INVS: variants seen among roughly 807,000 people sequenced by gnomAD.
The protein encoded by INVS is inversin, also known as inversion of embryo turning homolog.
INVS carries 86 observed loss-of-function variants against 108.8 expected under a neutral mutation model. That is an observed-to-expected ratio of 0.79 (90% CI 0.66 to 0.95). INVS has a LOEUF of 0.95. Ranked by LOEUF, INVS falls within the 40% of genes least tolerant of loss-of-function variation. The pLI is 0.00. For missense variants in INVS, 1,169 were observed against 1,297.4 expected, an observed-to-expected ratio of 0.90 and a Z score of 1.52; for synonymous variants, 455 against 473.5, an observed-to-expected ratio of 0.96 and a Z score of 0.51.
At position 100,301,824 on chromosome 9, in the gene INVS, C is replaced by T. The variant is rs771048563; in HGVS notation, c.*1150C>T. ...TTAGTTTACTAATTATTACATTCATCGTTTTTGTGATCACAAAAACACAAA... is the reference window on the plus strand; with the variant it reads ...TTAGTTTACTAATTATTACATTCATTGTTTTTGTGATCACAAAAACACAAA... On this transcript the variant is annotated 3_prime_UTR_variant, in exon 17 of 17. Coordinates refer to ENST00000262457, the MANE Select transcript of INVS (RefSeq NM_014425.5). Among the ~76,000 whole-genome samples the T allele has an allele frequency of 6.6e-6, 1 of 152,112 alleles. No homozygotes were observed. The highest frequency in any genetic ancestry group is 1.5e-5 in the Non-Finnish European group (1 of 68,036).
chr9:100,240,000 C>G (rs1831814494), intron 5 of INVS, 60 bp from the exon 6 acceptor site: 1 of 1,447,472 alleles, frequency 6.9e-7, no homozygotes, highest in African/African-American at 1.4e-5. Flanking sequence ...AATACTTACA[C>G]CAAATGTAAT....
Position 100,242,571 on chromosome 9 carries a change from C to G in INVS, c.798C>G (p.Gly266=). Residue 266 remains glycine (G), a splice_region_variant and synonymous_variant, in exon 7 of 17, where the codon GGC becomes GGG. Coordinates refer to ENST00000262457, the MANE Select transcript of INVS (RefSeq NM_014425.5). ...TTACCTTTTTGTGTCTTTTCTCAGG[C>G]CATGCACAGATTGTCCATCTCCTTT... ...RTPLHWAALL[G]HAQIVHLLLE... is the part of the protein sequence containing the mutation. 6.5e-7 allele frequency: 1 copy of G among 1,538,860 alleles called. No individual in the cohort carries two copies. The highest frequency in any genetic ancestry group is 9.0e-7 in the Non-Finnish European group (1 of 1,111,824).
chr9:100,298,162 T>A (rs1833846756), intron 16 of INVS, 152 bp downstream of exon 16: 2 of 1,538,874 alleles, frequency 1.3e-6, no homozygotes, highest in African/African-American at 2.7e-5. Flanking sequence ...GTAGCCAACA[T>A]CTGTCTCCCT....
chr9:100,213,205 G>GC (rs1470104538), intron 3 of INVS, among the ~76,000 whole-genome samples: 5 of 142,174 alleles, frequency 3.5e-5, no homozygotes, highest in African/African-American at 5.2e-5. Flanking sequence ...TGAATTGGGG[G>GC]GGTTTGGGGG....
intron 3 of INVS, among the ~76,000 whole-genome samples, chr9:100,213,498 C>T (rs1166170219): frequency 3.9e-5 from 6 of 151,986 alleles, no homozygotes; most frequent in African/African-American, 1.5e-4. Flanking sequence ...AGCCACCATT[C>T]CTGGCCCTTA....
chr9:100,256,754 A>G (rs1832434167), intron 10 of INVS, among the ~76,000 whole-genome samples: 1 of 152,102 alleles, frequency 6.6e-6, no homozygotes, highest in Non-Finnish European at 1.5e-5. Context: ...CCTGAGTTCT[A>G]ATTTGATTGC....
chr9:100,151,906 A>G (rs1471255008), intron 3 of INVS, among the ~76,000 whole-genome samples: 1 of 152,210 alleles, frequency 6.6e-6, no homozygotes, highest in Non-Finnish European at 1.5e-5. Flanking sequence ...CATTTTAGCA[A>G]CAAAATACAG....
intron 4 of INVS, 73 bp from the exon 5 acceptor site, chr9:100,229,587 C>T: frequency 7.5e-7 from 1 of 1,332,896 alleles, no homozygotes; most frequent in Non-Finnish European, 1.1e-6. Context: ...TATAACAGTG[C>T]CTGTCCCACA....
chr9:100,141,957 T>C (rs1828445261), intron 3 of INVS, among the ~76,000 whole-genome samples: 1 of 152,082 alleles, frequency 6.6e-6, no homozygotes, highest in Non-Finnish European at 1.5e-5. Context: ...GATTGATAGG[T>C]GGAAGTTTCA....
chr9:100,184,427 G>A (rs1243664902), intron 3 of INVS, among the ~76,000 whole-genome samples: 1 of 152,130 alleles, frequency 6.6e-6, no homozygotes, highest in Non-Finnish European at 1.5e-5. Flanking sequence ...TCACTGAAAA[G>A]CATTAGTTCC....
chr9:100,169,661 C>T (rs1829477733), intron 3 of INVS, among the ~76,000 whole-genome samples: 1 of 152,136 alleles, frequency 6.6e-6, no homozygotes, highest in Non-Finnish European at 1.5e-5. Flanking sequence ...GTGGTAGGTA[C>T]TAAGAGCATT....
At chr9:100,248,576 C>T (rs1395925626) in intron 8 of INVS, among the ~76,000 whole-genome samples, 1 of 151,914 alleles carries the variant, frequency 6.6e-6, no homozygotes, top group East Asian at 1.9e-4. Context: ...AATGTTAAAG[C>T]CATCAGGAAA....
At chr9:100,119,810 G>A (rs920547000) in intron 2 of INVS, among the ~76,000 whole-genome samples, 7 of 152,056 alleles carry the variant, frequency 4.6e-5, no homozygotes, top group African/African-American at 7.2e-5. Context: ...TGCCCACCTC[G>A]GCCTCCCAAA....
intron 10 of INVS, 35 bp downstream of exon 10, chr9:100,253,171 A>G: frequency 6.6e-7 from 1 of 1,519,440 alleles, no homozygotes; most frequent in Non-Finnish European, 9.1e-7. Context: ...TGTTTGCTCC[A>G]AAGAATTTAG....
intron 3 of INVS, among the ~76,000 whole-genome samples, chr9:100,161,853 C>T (rs142347743): frequency 7.7e-4 from 117 of 152,212 alleles, no homozygotes; most frequent in African/African-American, 2.5e-3. Flanking sequence ...GGAGAGCATA[C>T]CCTACAGATA....
At chr9:100,107,195 G>T (rs572436927) in intron 2 of INVS, among the ~76,000 whole-genome samples, 7 of 152,256 alleles carry the variant, frequency 4.6e-5, no homozygotes, top group African/African-American at 1.7e-4. Flanking sequence ...GCAGCACATT[G>T]TCAGTAACCC....
intron 3 of INVS, among the ~76,000 whole-genome samples, chr9:100,189,995 G>T (rs7871862): frequency 1.8e-4 from 28 of 152,102 alleles, no homozygotes; most frequent in African/African-American, 6.8e-4. Flanking sequence ...TCTGTCTAGT[G>T]CTGTCAGTGG....
intron 2 of INVS, among the ~76,000 whole-genome samples, chr9:100,105,508 A>T (rs1303269972): frequency 2.0e-5 from 3 of 152,088 alleles, no homozygotes; most frequent in Non-Finnish European, 2.9e-5. Flanking sequence ...CTTCTGTGCT[A>T]AACAAACTCC....
intron 3 of INVS, among the ~76,000 whole-genome samples, chr9:100,178,080 C>T (rs1829772438): frequency 6.6e-6 from 1 of 152,168 alleles, no homozygotes; most frequent in South Asian, 2.1e-4. Context: ...AGAATAACAT[C>T]AACATCAACA....
Sources: gnomAD v4.1 joint callset for allele counts (sites outside exome capture counted in the v4.1 genomes callset) on GRCh38, gnomAD v4.1.1 for gene constraint, MANE v1.5 for transcripts, NCBI Gene and HGNC (gene_info 2026-07-23, HGNC 2026-07-21) for gene names.